The following EPB41L4A variants were observed in gnomAD, a reference collection of about 807,000 sequenced individuals.
EPB41L4A encodes erythrocyte membrane protein band 4.1 like 4A.
A neutral mutation model predicts 108.6 loss-of-function variants in EPB41L4A; 100 were observed. That is an observed-to-expected ratio of 0.92 (90% confidence interval 0.78 to 1.09). The LOEUF is 1.09. Ranked by LOEUF, EPB41L4A falls within the 50% of genes least tolerant of loss-of-function variation. The pLI is 0.00. For missense variants in EPB41L4A, 1,030 were observed against 842.7 expected, an observed-to-expected ratio of 1.22 and a Z score of -2.75; for synonymous variants, 319 against 289.0, an observed-to-expected ratio of 1.10 and a Z score of -1.05.
At chr5:112,353,031 T>C (rs1758142753) in intron 1 of EPB41L4A, among the ~76,000 whole-genome samples, 1 of 152,248 alleles carries the variant, frequency 6.6e-6, no homozygotes, top group African/African-American at 2.4e-5. Context: ...TATTATACTT[T>C]GGCTTTGATT....
At chr5:112,184,906 T>C (rs1455344768) in intron 17 of EPB41L4A, among the ~76,000 whole-genome samples, 3 of 152,214 alleles carry the variant, frequency 2.0e-5, no homozygotes, top group Non-Finnish European at 4.4e-5. Context: ...TTTTTAAGTC[T>C]TGCAACCAAT....
chr5:112,411,412 G>A (rs528855862), intron 1 of EPB41L4A, among the ~76,000 whole-genome samples: 1 of 152,236 alleles, frequency 6.6e-6, no homozygotes, highest in Non-Finnish European at 1.5e-5. Context: ...GAGAACCTGT[G>A]CAACCTTAGG....
chr5:112,389,628 C>A (rs954070532), intron 1 of EPB41L4A, among the ~76,000 whole-genome samples: 1 of 152,160 alleles, frequency 6.6e-6, no homozygotes, highest in Non-Finnish European at 1.5e-5. Flanking sequence ...AAATGATCAA[C>A]ATTTTTGTTG....
At chr5:112,413,591 T>C (rs773116958) in intron 1 of EPB41L4A, among the ~76,000 whole-genome samples, 17 of 152,184 alleles carry the variant, frequency 1.1e-4, no homozygotes, top group African/African-American at 4.1e-4. Flanking sequence ...AAATAATGCA[T>C]GCAGTGTGAC....
chr5:112,307,797 T>C (rs1344627176), intron 1 of EPB41L4A, among the ~76,000 whole-genome samples: 1 of 152,184 alleles, frequency 6.6e-6, no homozygotes, highest in African/African-American at 2.4e-5. Flanking sequence ...AAGATAATCT[T>C]TTATATGAAG....
intron 3 of EPB41L4A, among the ~76,000 whole-genome samples, chr5:112,280,015 C>G (rs1752864036): frequency 6.6e-6 from 1 of 152,082 alleles, no homozygotes; most frequent in Non-Finnish European, 1.5e-5. Flanking sequence ...TACAGAAAAA[C>G]CACAGACAAA....
chr5:112,283,711 C>T (rs1401312528), intron 2 of EPB41L4A, among the ~76,000 whole-genome samples: 2 of 152,180 alleles, frequency 1.3e-5, no homozygotes, highest in African/African-American at 4.8e-5. Flanking sequence ...ATGTCAGACA[C>T]TGTCCTTAGT....
At chr5:112,161,440 G>T (rs755613268), downstream of EPB41L4A, 4 of 492,418 alleles carry the variant, frequency 8.1e-6, no homozygotes, top group Non-Finnish European at 1.6e-5. Flanking sequence ...ATTACTGTCA[G>T]CCAGTCAGCA....
chr5:112,399,914 T>C (rs1436976576), intron 1 of EPB41L4A, among the ~76,000 whole-genome samples: 2 of 152,206 alleles, frequency 1.3e-5, no homozygotes, highest in African/African-American at 4.8e-5. Context: ...GCCCATCATG[T>C]CTCCCACTGG....
At chr5:112,225,212 T>C (rs1195577536) in intron 12 of EPB41L4A, among the ~76,000 whole-genome samples, 1 of 152,218 alleles carries the variant, frequency 6.6e-6, no homozygotes, top group East Asian at 1.9e-4. Flanking sequence ...CTTCATTTAA[T>C]CCAAAGACTC....
intron 1 of EPB41L4A, among the ~76,000 whole-genome samples, chr5:112,409,980 A>C (rs1762316442): frequency 6.6e-6 from 1 of 152,188 alleles, no homozygotes. Context: ...CAAGGTGAGC[A>C]GGAAAGTACA....
upstream of EPB41L4A, chr5:112,419,731 G>C (rs2112865114): frequency 2.2e-6 from 1 of 456,752 alleles, no homozygotes; most frequent in African/African-American, 2.0e-5. Context: ...AGCCGGAAGA[G>C]AGGCGGAAAG....
chr5:112,302,125 T>G (rs1332683300), intron 2 of EPB41L4A, among the ~76,000 whole-genome samples: 2 of 152,160 alleles, frequency 1.3e-5, no homozygotes, highest in African/African-American at 2.4e-5. Context: ...ATGTCAGTAT[T>G]TATGATAAAC....
intron 1 of EPB41L4A, among the ~76,000 whole-genome samples, chr5:112,383,215 G>C (rs917601417): frequency 5.9e-5 from 9 of 152,142 alleles, no homozygotes; most frequent in African/African-American, 2.2e-4. Context: ...AATCTCAAAG[G>C]AGTCAACTAA....
chr5:112,257,977 G>T (rs1751228143), intron 9 of EPB41L4A, among the ~76,000 whole-genome samples: 1 of 152,156 alleles, frequency 6.6e-6, no homozygotes, highest in Admixed American at 6.5e-5. Context: ...GTCTAATCAG[G>T]AGCTGAAGAA....
At chr5:112,419,922 G>A (rs61730663), upstream of EPB41L4A, 41,683 of 456,344 alleles carry the variant, frequency 0.091, 2,357 homozygotes, top group Middle Eastern at 0.15. Context: ...AGCAAAGCGG[G>A]GAGGCGGGGA....
intron 15 of EPB41L4A, among the ~76,000 whole-genome samples, chr5:112,199,767 C>T (rs1163486524): frequency 6.6e-6 from 1 of 152,148 alleles, no homozygotes; most frequent in African/African-American, 2.4e-5. Context: ...CTGGACAGCT[C>T]CCTCTCCTCT....
chr5:112,294,416 A>C (rs1213698057), intron 2 of EPB41L4A, among the ~76,000 whole-genome samples: 1 of 152,212 alleles, frequency 6.6e-6, no homozygotes, highest in African/African-American at 2.4e-5. Flanking sequence ...AGAGGTGGTA[A>C]GAAAGTGGTG....
chr5:112,359,244 G>C (rs1758556482), intron 1 of EPB41L4A, among the ~76,000 whole-genome samples: 1 of 152,198 alleles, frequency 6.6e-6, no homozygotes, highest in Non-Finnish European at 1.5e-5. Context: ...AGAGAATCCA[G>C]GGGTGTGTTT....
Sources: allele counts gnomAD v4.1 joint callset (sites outside exome capture counted in the v4.1 genomes callset), GRCh38; gene constraint gnomAD v4.1.1; transcripts MANE v1.5; gene names NCBI Gene and HGNC (gene_info 2026-07-23, HGNC 2026-07-21).